Variants in FANK1 observed in about 807,000 individuals in gnomAD.
FANK1 encodes fibronectin type III and ankyrin repeat domains 1, also known as fibronectin type 3 and ankyrin repeat domains protein 1.
Under a neutral mutation model 45.3 loss-of-function variants are expected in FANK1, and 44 were observed. The observed-to-expected ratio is 0.97, with a 90% confidence interval of 0.76 to 1.25. FANK1 has a LOEUF of 1.25. FANK1 is among the 50% of genes most tolerant of loss of function. FANK1 has a pLI of 0.00. For synonymous variants in FANK1, 149 were observed against 152.5 expected (o/e 0.98, Z 0.17); for missense variants, 391 against 424.4 (o/e 0.92, Z 0.69).
At chr10:125,898,078 C>T (rs1306974801) in intron 1 of FANK1, among the ~76,000 whole-genome samples, 3 of 143,068 alleles carry the variant, frequency 2.1e-5, no homozygotes, top group Non-Finnish European at 4.5e-5. Context: ...CTATTTGGGA[C>T]GCTGAGGCCG....
intron 1 of FANK1, among the ~76,000 whole-genome samples, chr10:125,975,967 TCTTTC>T: frequency 6.6e-6 from 1 of 152,246 alleles, no homozygotes; most frequent in East Asian, 1.9e-4. Context: ...CTGGTAGCGG[TCTTTC>T]CTTTCTATAT....
intron 1 of FANK1, among the ~76,000 whole-genome samples, chr10:125,927,460 T>A (rs1274820018): frequency 3.9e-5 from 6 of 152,218 alleles, no homozygotes; most frequent in Non-Finnish European, 7.3e-5. Context: ...CATTCAGTTT[T>A]ACTAATATTG....
chr10:125,995,020 C>G, intron 3 of FANK1: 3 of 674,996 alleles, frequency 4.4e-6, no homozygotes, highest in Non-Finnish European at 5.5e-6. Context: ...AGCACTTTGT[C>G]TTTTTTTTTT....
chr10:125,935,815 G>C (rs73368643), intron 1 of FANK1, among the ~76,000 whole-genome samples: 1 of 152,086 alleles, frequency 6.6e-6, no homozygotes, highest in Non-Finnish European at 1.5e-5. Flanking sequence ...GGCTGGAATA[G>C]AAAGATAATT....
chr10:125,978,663 T>C (rs1282394867), intron 1 of FANK1, among the ~76,000 whole-genome samples: 3 of 151,856 alleles, frequency 2.0e-5, no homozygotes, highest in Non-Finnish European at 4.4e-5. Context: ...TGGCTCGGAC[T>C]CTCCAAAGCC....
chr10:126,003,541 TA>T (rs975278161), intron 6 of FANK1, among the ~76,000 whole-genome samples: 58 of 152,010 alleles, frequency 3.8e-4, no homozygotes, highest in African/African-American at 1.4e-3. Flanking sequence ...TAGGTTTCAT[TA>T]TTTTTTTTAG....
chr10:125,901,861 C>T (rs1945064282), intron 1 of FANK1, among the ~76,000 whole-genome samples: 1 of 152,364 alleles, frequency 6.6e-6, no homozygotes, highest in Non-Finnish European at 1.5e-5. Context: ...TGGCTCACGC[C>T]TGTAATCCCA....
At chr10:125,929,707 T>C (rs1947621186) in intron 1 of FANK1, among the ~76,000 whole-genome samples, 1 of 152,110 alleles carries the variant, frequency 6.6e-6, no homozygotes, top group South Asian at 2.1e-4. Flanking sequence ...AACAGAGAAT[T>C]GGACAAAACG....
chr10:125,920,899 G>A (rs1446331106), intron 1 of FANK1, among the ~76,000 whole-genome samples: 1 of 152,164 alleles, frequency 6.6e-6, no homozygotes, highest in Non-Finnish European at 1.5e-5. Context: ...TTCTTTTGTG[G>A]TGCTTTAGAA....
chr10:125,936,430 C>T (rs1948102219), intron 1 of FANK1, among the ~76,000 whole-genome samples: 1 of 71,140 alleles, frequency 1.4e-5, no homozygotes, highest in East Asian at 3.9e-4. Flanking sequence ...GAGATGCTGT[C>T]TCAAAAAAAA....
rs73370598 is a variant in FANK1 at position 125,992,881 on chromosome 10, G to A, written c.317-2536G>A. Reference sequence around the variant, plus strand: ...TCCCCTTTCTTTTTTAACACTTTGCGGGAGGATCACATTTACTTATGATGT... The same window carrying A: ...TCCCCTTTCTTTTTTAACACTTTGCAGGAGGATCACATTTACTTATGATGT... On this transcript the variant is annotated intron_variant, in intron 3 of 10. Coordinates refer to ENST00000368693, the MANE Select transcript of FANK1 (RefSeq NM_145235.5). Among the ~76,000 whole-genome samples the A allele has an allele frequency of 4.9e-3, 746 of 152,254 alleles. 7 individuals carry two copies. The highest frequency in any genetic ancestry group is 0.016 in the African/African-American group (677 of 41,534).
At chr10:126,008,965 G>A (rs563726580) in intron 8 of FANK1, 89 bp from the exon 9 acceptor site, 560 of 1,257,330 alleles carry the variant, frequency 4.5e-4, no homozygotes, top group Admixed American at 1.1e-3. Context: ...GGGGCTGCTG[G>A]GACCCTGCAT....
chr10:125,930,209 AT>A (rs1447197804), intron 1 of FANK1, among the ~76,000 whole-genome samples: 1 of 150,772 alleles, frequency 6.6e-6, no homozygotes, highest in African/African-American at 2.4e-5. Context: ...TGCCTGGCTA[AT>A]TTTTGTATAT....
rs555095730 is a variant in FANK1 at position 125,972,594 on chromosome 10, A to G, written c.14-7567A>G. ...TCTTACCTGATGAGGTCATTCATTCATGACCTGACCATCCAGGTCCTATCT... is the reference window on the plus strand; with the variant it reads ...TCTTACCTGATGAGGTCATTCATTCGTGACCTGACCATCCAGGTCCTATCT... On this transcript the variant is annotated intron_variant, in intron 1 of 10. Transcript: ENST00000368693. 4.1e-4 allele frequency: 63 copies of G among 152,316 alleles called. 2 individuals are homozygous for G. Among genetic ancestry groups the G allele is most frequent in the Middle Eastern group, 6.8e-3 (2 of 294 alleles). 9.4% of individuals were successfully genotyped at this position (152,316 alleles called of 1,614,324 possible).
At chr10:125,955,224 G>A (rs2134171804) in intron 1 of FANK1, among the ~76,000 whole-genome samples, 1 of 151,990 alleles carries the variant, frequency 6.6e-6, no homozygotes, top group East Asian at 1.9e-4. Context: ...ATTAAGTCTA[G>A]CATCCATTAG....
intron 2 of FANK1, among the ~76,000 whole-genome samples, chr10:125,985,172 T>C (rs1015535613): frequency 5.3e-5 from 8 of 152,268 alleles, no homozygotes; most frequent in Non-Finnish European, 2.9e-5. Flanking sequence ...TTAGCAATAC[T>C]GAATTTTATT....
chr10:125,938,645 C>T (rs766466158), intron 1 of FANK1, among the ~76,000 whole-genome samples: 27 of 152,072 alleles, frequency 1.8e-4, no homozygotes, highest in Non-Finnish European at 3.8e-4. Context: ...CTTGTCCCTA[C>T]TAAAAATACA....
In FANK1 at chr10:126,004,920, T is replaced by C. The variant is rs1327121059; in HGVS notation, c.576T>C (p.Val192=). 2 of 1,614,168 alleles carry C rather than the reference T, an allele frequency of 1.2e-6. No homozygotes were observed. The highest frequency in any genetic ancestry group is 1.7e-6 in the Non-Finnish European group (2 of 1,180,034). ...CGTGCTATGCGGGACACCTAGATGT[T>C]GTGAAATATCTCCGAAGACATGGCG... ...MLACYAGHLD[V]VKYLRRHGAS... Residue 192 remains valine (V), a synonymous_variant, in exon 7 of 11, where the codon GTT becomes GTC. Coordinates refer to ENST00000368693, the MANE Select transcript of FANK1 (RefSeq NM_145235.5).
chr10:125,960,334 T>C, intron 1 of FANK1: 1 of 236,360 alleles, frequency 4.2e-6, no homozygotes, highest in Non-Finnish European at 8.6e-6. Context: ...ACCTTGATCC[T>C]CTCCACGCCG....
Sources: allele counts gnomAD v4.1 joint callset (sites outside exome capture counted in the v4.1 genomes callset), GRCh38; gene constraint gnomAD v4.1.1; transcripts MANE v1.5; gene names NCBI Gene and HGNC (gene_info 2026-07-23, HGNC 2026-07-21).